PRAG1: variants seen among roughly 807,000 people sequenced by gnomAD.
PRAG1 encodes the protein inactive tyrosine-protein kinase PRAG1.
Under a neutral mutation model 95.6 loss-of-function variants are expected in PRAG1, and 110 were observed. That is an observed-to-expected ratio of 1.15 (90% CI 0.99 to 1.35). PRAG1 has a LOEUF of 1.35. Ranked by LOEUF, PRAG1 falls within the 40% of genes most tolerant of loss-of-function variation. The pLI is 0.00. For synonymous variants in PRAG1, 1,052 were observed against 819.4 expected, an observed-to-expected ratio of 1.28 and a Z score of -4.85; for missense variants, 2,554 against 1,864.7, an observed-to-expected ratio of 1.37 and a Z score of -6.81.
chr8:8,320,078 G>A (rs931257407), intron 5 of PRAG1, among the ~76,000 whole-genome samples: 13 of 152,182 alleles, frequency 8.5e-5, no homozygotes, highest in African/African-American at 3.1e-4. Flanking sequence ...CAGTGAGTGG[G>A]GTCCCTGCCG....
At chr8:8,341,099 A>G (rs1467167134) in intron 3 of PRAG1, among the ~76,000 whole-genome samples, 7 of 152,194 alleles carry the variant, frequency 4.6e-5, no homozygotes, top group African/African-American at 1.7e-4. Flanking sequence ...AGTCTAGGAG[A>G]GAAGCCAGAG....
At chr8:8,351,906 G>C (rs1799534283) in intron 3 of PRAG1, among the ~76,000 whole-genome samples, 1 of 152,112 alleles carries the variant, frequency 6.6e-6, no homozygotes, top group Admixed American at 6.5e-5. Context: ...AAAAACACTA[G>C]TGAGTTGTTA....
chr8:8,341,735 AT>A (rs1250589883), intron 3 of PRAG1, among the ~76,000 whole-genome samples: 1 of 152,228 alleles, frequency 6.6e-6, no homozygotes, highest in Non-Finnish European at 1.5e-5. Flanking sequence ...TTTTACTCAT[AT>A]TTAGTTTAAG....
Position 8,318,133 on chromosome 8 carries a change from C to T in PRAG1, c.*21G>A, listed in dbSNP as rs796416381. On this transcript the variant is annotated 3_prime_UTR_variant, in exon 6 of 6. Coordinates refer to ENST00000615670, the MANE Select transcript of PRAG1 (RefSeq NM_001080826.3). The surrounding 1 kb of genome is among the most constrained non-coding windows in gnomAD (Gnocchi z 4.2). ...GGGTTAGGCAGGGAAGGGGCAGCGA[C>T]GGTGCAGGCTGGGGCTTGGCTCACA... 1.9e-6 allele frequency: 3 copies of T among 1,594,010 alleles called. No individual in the cohort carries two copies. Among genetic ancestry groups the T allele is most frequent in the African/African-American group, 1.3e-5 (1 of 74,518 alleles).
intron 1 of PRAG1, among the ~76,000 whole-genome samples, chr8:8,384,327 G>A (rs562946977): frequency 6.6e-6 from 1 of 152,036 alleles, no homozygotes; most frequent in African/African-American, 2.4e-5. Flanking sequence ...AGTGTGGAAG[G>A]ATCTGGATTG....
intron 3 of PRAG1, among the ~76,000 whole-genome samples, chr8:8,367,673 G>A (rs572829339): frequency 1.3e-5 from 2 of 151,344 alleles, no homozygotes; most frequent in African/African-American, 4.8e-5. Flanking sequence ...ATGGAGTCTC[G>A]CTCTGTCACC....
Position 8,318,608 on chromosome 8 carries a change from T to C in PRAG1, c.3767A>G (p.Gln1256Arg). 1 of 1,612,844 alleles carries C rather than the reference T, an allele frequency of 6.2e-7. No homozygotes were observed. The highest frequency in any genetic ancestry group is 8.5e-7 in the Non-Finnish European group (1 of 1,179,856). The stretch of plus-strand genomic sequence containing the variant: ...CAGCTCGTAGATGAGGATGCCTGTC[T>C]GGAACTCATCGAACTTGCGGTACTG... ...ASQYRKFDEF[Q>R]TGILIYELLH... is the part of the protein sequence containing the mutation. Residue 1256 changes from glutamine to arginine, a missense_variant, in exon 6 of 6, where the codon CAG (glutamine) becomes CGG (arginine). Physicochemically the swap from Gln to Arg is conservative, Grantham distance 43 (BLOSUM62 1). Coordinates refer to ENST00000615670, the MANE Select transcript of PRAG1 (RefSeq NM_001080826.3). This position sits in a 1 kb window ranked among gnomAD's most constrained non-coding sequence, Gnocchi z 4.2.
Position 8,318,782 on chromosome 8 carries a change from G to A in PRAG1, c.3593C>T (p.Pro1198Leu). 1.9e-6 allele frequency: 3 copies of A among 1,540,570 alleles called. No individual in the cohort carries two copies. The highest frequency in any genetic ancestry group is 2.4e-5 in the South Asian group (2 of 82,772). The change falls in exon 6 of 6, where the codon CCC (proline) becomes CTC (leucine). Residue 1198 changes from proline to leucine, a missense_variant. By Grantham distance (98) the Pro-to-Leu change is moderately conservative. Coordinates refer to ENST00000615670, the MANE Select transcript of PRAG1 (RefSeq NM_001080826.3). The surrounding 1 kb of genome is among the most constrained non-coding windows in gnomAD (Gnocchi z 4.2). ...AGGTLSPAAG[P>L]ASPEGPREKQ... Reference sequence around the variant, plus strand: ...CTCCCGGGGCCCTTCCGGGGAGGCGGGGCCGGCTGCGGGGCTGAGAGTGCC... The same window carrying A: ...CTCCCGGGGCCCTTCCGGGGAGGCGAGGCCGGCTGCGGGGCTGAGAGTGCC...
rs773767338 is a variant in PRAG1, at chr8:8,328,249, G to A, written c.2533C>T (p.Pro845Ser). The A allele has an allele frequency of 1.2e-6, 2 of 1,614,096 alleles. No individual in the cohort carries two copies. The change falls in exon 5 of 6, where the codon CCC becomes TCC. Residue 845 changes from proline (P) to serine (S), a missense_variant. Pro to Ser is a moderately conservative substitution (Grantham distance 74, BLOSUM62 -1). Transcript: ENST00000615670. Reference sequence around the variant, plus strand: ...TCCGAGTGGCTTAGGTTCAGCTTGGGGCTTGCTGTTCCGGGCTTGGGGGAG... The same window carrying A: ...TCCGAGTGGCTTAGGTTCAGCTTGGAGCTTGCTGTTCCGGGCTTGGGGGAG... ...QGSPKPGTAS[P>S]KLNLSHSETN... is the part of the protein sequence containing the mutation.
chr8:8,346,865 C>T (rs561136105), intron 3 of PRAG1, among the ~76,000 whole-genome samples: 74 of 152,186 alleles, frequency 4.9e-4, no homozygotes, highest in African/African-American at 1.6e-3. Flanking sequence ...GCCACTGGAG[C>T]GGAATCTTTG....
intron 2 of PRAG1, among the ~76,000 whole-genome samples, chr8:8,378,359 G>C (rs1380212965): frequency 6.6e-6 from 1 of 152,148 alleles, no homozygotes. Context: ...TGTGAAGTAG[G>C]AAAAGAAAAA....
At chr8:8,360,672 G>A (rs968523204) in intron 3 of PRAG1, among the ~76,000 whole-genome samples, 1 of 152,188 alleles carries the variant, frequency 6.6e-6, no homozygotes, top group Admixed American at 6.5e-5. Context: ...AACATTCCTT[G>A]CCCAAGGGGG....
At position 8,377,899 on chromosome 8, in the gene PRAG1, G is replaced by C; in HGVS notation, c.510C>G (p.Arg170=). 3 of 1,614,094 alleles carry C rather than the reference G, an allele frequency of 1.9e-6. No individual in the cohort carries two copies. The highest frequency in any genetic ancestry group is 2.5e-6 in the Non-Finnish European group (3 of 1,180,016). The part of the protein sequence containing the change: ...TMVGLHNLEP[R]GERNIAFHPV... The stretch of plus-strand genomic sequence containing the variant: ...GGTGGAAGGCAATGTTCCTCTCGCC[G>C]CGGGGCTCAAGGTTGTGCAGGCCGA... Residue 170 remains arginine, a synonymous_variant, in exon 3 of 6, where the codon CGC becomes CGG. Transcript: ENST00000615670.
At chr8:8,335,869 A>T (rs972975732) in intron 4 of PRAG1, among the ~76,000 whole-genome samples, 1 of 152,198 alleles carries the variant, frequency 6.6e-6, no homozygotes, top group Non-Finnish European at 1.5e-5. Context: ...AAACTTCAGC[A>T]TCTAGAATTG....
Position 8,324,493 on chromosome 8 carries a change from G to A in PRAG1, c.3072+3217C>T, listed in dbSNP as rs574492565. On this transcript the variant is annotated intron_variant, in intron 5 of 5. Coordinates refer to ENST00000615670, the MANE Select transcript of PRAG1 (RefSeq NM_001080826.3). ...TGTGAGTGAGCTGTAGGCCCGCGCC[G>A]GAGATCATTCCACAGCACTGGGTGG... is the stretch of plus-strand genomic sequence containing the variant. Among the ~76,000 whole-genome samples, 73 of 152,280 alleles carry A rather than the reference G, an allele frequency of 4.8e-4. No individual in the cohort carries two copies. In the East Asian group the frequency reaches 0.012, roughly 26 times the overall value.
chr8:8,351,979 A>C (rs28574846), intron 3 of PRAG1, among the ~76,000 whole-genome samples: 9,632 of 152,184 alleles, frequency 0.063, 393 homozygotes, highest in African/African-American at 0.12. Context: ...CACCAAGATC[A>C]CCTGTGCCTG....
chr8:8,362,313 G>C (rs539238551), intron 3 of PRAG1, among the ~76,000 whole-genome samples: 1 of 152,192 alleles, frequency 6.6e-6, no homozygotes, highest in African/African-American at 2.4e-5. Flanking sequence ...CGCATGGCTT[G>C]AGACCATTCA....
chr8:8,376,921 T>C lies in PRAG1; in HGVS notation c.1488A>G (p.Ala496=), dbSNP rs370416459. Residue 496 remains alanine, a synonymous_variant, in exon 3 of 6, where the codon GCA becomes GCG. Transcript: ENST00000615670. ...GCCCTCGTGGCCACTGCACCCCCAC[T>C]GCAGAGTCAGGGCTGCTCAGGTAGA... ...RTIYLSSPDS[A]VGVQWPRGPV... 1 of 1,613,402 alleles carries C rather than the reference T, an allele frequency of 6.2e-7. No individual in the cohort carries two copies. Among genetic ancestry groups the C allele is most frequent in the Non-Finnish European group, 8.5e-7 (1 of 1,180,004 alleles).
chr8:8,318,980 C>A lies in PRAG1; in HGVS notation c.3395G>T (p.Gly1132Val). ...CCCGTGCTCCTTCAGGTGCTCCAGC[C>A]CGTTGCAGAGTTGCAGAAGCAGGAA... ...VCFLLLQLCN[G>V]LEHLKEHGII... Residue 1132 changes from glycine (G) to valine (V), a missense_variant, in exon 6 of 6, where the codon GGG becomes GTG. By Grantham distance (109) the Gly-to-Val change is moderately radical. Transcript: ENST00000615670. The surrounding 1 kb of genome is among the most constrained non-coding windows in gnomAD (Gnocchi z 4.2). The A allele has an allele frequency of 6.2e-7, 1 of 1,613,368 alleles. No individual in the cohort carries two copies. Among genetic ancestry groups the A allele is most frequent in the Non-Finnish European group, 8.5e-7 (1 of 1,179,770 alleles).
Sources: gnomAD v4.1 joint callset for allele counts (sites outside exome capture counted in the v4.1 genomes callset) on GRCh38, gnomAD v4.1.1 for gene constraint, Gnocchi (gnomAD v3.1) non-coding constraint, MANE v1.5 for transcripts, NCBI Gene and HGNC (gene_info 2026-07-23, HGNC 2026-07-21) for gene names.